The following ALDH9A1 variants were observed in gnomAD, a reference collection of about 807,000 sequenced individuals.
ALDH9A1 encodes the protein aldehyde dehydrogenase 9 family member A1.
Under a neutral mutation model 56.6 loss-of-function variants are expected in ALDH9A1, and 42 were observed. That is an observed-to-expected ratio of 0.74 (90% CI 0.58 to 0.96). The LOEUF (loss-of-function observed/expected upper bound fraction) is 0.96. Ranked by LOEUF, ALDH9A1 falls within the 40% of genes least tolerant of loss-of-function variation. The probability of loss-of-function intolerance (pLI) is 0.00; values close to 1 mark genes in which losing one functional copy is unlikely to be tolerated. For synonymous variants in ALDH9A1, 242 were observed against 236.0 expected (o/e 1.03, Z -0.23); for missense variants, 661 against 651.5 (o/e 1.01, Z -0.16).
At chr1:165,698,108 AC>A (rs1188113047) in intron 1 of ALDH9A1, 1 of 709,762 alleles carries the variant, frequency 1.4e-6, no homozygotes. Context: ...CCCCACCAGT[AC>A]TTTGCGAACT....
In ALDH9A1 at chr1:165,688,960, G is replaced by A. The variant is rs112806721; in HGVS notation, c.328-5850C>T. Among the ~76,000 whole-genome samples, 324 of 152,108 alleles carry A rather than the reference G, an allele frequency of 2.1e-3. 4 individuals are homozygous for A. Among genetic ancestry groups the A allele is most frequent in the African/African-American group, 7.2e-3 (301 of 41,526 alleles). On this transcript the variant is annotated intron_variant, in intron 2 of 10. Transcript: ENST00000354775. ...AAGGAAAAGTAAAGGGGAGGGTAAA[G>A]TAAAAAGAAATGAAATTTAGTATCA...
intron 3 of ALDH9A1, chr1:165,682,708 T>C: frequency 2.7e-6 from 1 of 374,544 alleles, no homozygotes. Flanking sequence ...TTATGAAAAC[T>C]GGTTTTTCAG....
chr1:165,671,254 T>C (rs1201378582), intron 6 of ALDH9A1: 1 of 222,398 alleles, frequency 4.5e-6, no homozygotes, highest in Non-Finnish European at 9.2e-6. Flanking sequence ...ACAGCTGCCA[T>C]CATGGGTCAC....
intron 9 of ALDH9A1, among the ~76,000 whole-genome samples, chr1:165,665,802 T>C (rs964379474): frequency 6.6e-6 from 1 of 152,160 alleles, no homozygotes; most frequent in African/African-American, 2.4e-5. Context: ...CTTCATACGT[T>C]GTTCGGAGGA....
In ALDH9A1 at chr1:165,674,106, C is replaced by T. The variant is rs531502914; in HGVS notation, c.931-4656G>A. ...TGCATCAACATGCTAAAAGACATACCCATCAGCACCATGACAGTTTACAAA... is the reference window on the plus strand; with the variant it reads ...TGCATCAACATGCTAAAAGACATACTCATCAGCACCATGACAGTTTACAAA... On this transcript the variant is annotated intron_variant, in intron 6 of 10. Coordinates refer to ENST00000354775, the MANE Select transcript of ALDH9A1 (RefSeq NM_000696.4). 7.2e-5 allele frequency among the ~76,000 whole-genome samples: 11 copies of T among 151,758 alleles called. No homozygotes were observed. In the South Asian group the frequency reaches 2.1e-3, roughly 29 times the overall value.
intron 8 of ALDH9A1, 101 bp from the exon 9 acceptor site, chr1:165,667,551 G>A (rs1649047310): frequency 5.2e-6 from 7 of 1,346,134 alleles, no homozygotes; most frequent in Non-Finnish European, 7.1e-6. Context: ...ATGTTGCCCA[G>A]TCTGGTCTCA....
At chr1:165,675,220 T>A (rs976180638) in intron 6 of ALDH9A1, among the ~76,000 whole-genome samples, 27 of 151,096 alleles carry the variant, frequency 1.8e-4, no homozygotes, top group African/African-American at 6.6e-4. Flanking sequence ...ATAAAATAAA[T>A]TCACATTACG....
rs73014543 is a variant in ALDH9A1 at position 165,684,490 on chromosome 1, C to T, written c.328-1380G>A. 5.2e-3 allele frequency among the ~76,000 whole-genome samples: 786 copies of T among 152,270 alleles called. 7 individuals carry two copies. Among genetic ancestry groups the T allele is most frequent in the African/African-American group, 0.018 (755 of 41,562 alleles). ...ATGCTGACCCTAGAAAGAGGGTACC[C>T]TAAGAGGAAAACATACATCAATTCT... On this transcript the variant is annotated intron_variant, in intron 2 of 10. Transcript: ENST00000354775.
At chr1:165,696,106 C>T (rs996485206) in intron 1 of ALDH9A1, among the ~76,000 whole-genome samples, 1 of 152,174 alleles carries the variant, frequency 6.6e-6, no homozygotes, top group Admixed American at 6.5e-5. Context: ...CCCACCTCTG[C>T]CTCCCCAAGT....
intron 9 of ALDH9A1, among the ~76,000 whole-genome samples, chr1:165,666,368 G>A (rs1373642199): frequency 6.6e-6 from 1 of 152,130 alleles, no homozygotes; most frequent in African/African-American, 2.4e-5. Flanking sequence ...TAAAACCACT[G>A]AATTGTACAC....
At chr1:165,672,252 GGTAT>G (rs781309586) in intron 6 of ALDH9A1, among the ~76,000 whole-genome samples, 16 of 152,226 alleles carry the variant, frequency 1.1e-4, no homozygotes, top group Admixed American at 5.2e-4. Flanking sequence ...AACAAAATGT[GGTAT>G]GTGTGTGCTG....
Position 165,695,283 on chromosome 1 carries a change from C to T in ALDH9A1, c.296G>A (p.Arg99Gln), listed in dbSNP as rs771178170. Residue 99 changes from arginine to glutamine, a missense_variant, in exon 2 of 11, where the codon CGA (arginine) becomes CAA (glutamine). Transcript: ENST00000354775. ...TATCCTGGCAGCCTCCAAAAGGATT[C>T]GGCAACGCTCCATGCCAGATTTTTG... ...WSQKSGMERC[R>Q]ILLEAARIIR... 14 of 1,611,194 alleles carry T rather than the reference C, an allele frequency of 8.7e-6. No homozygotes were observed. Among genetic ancestry groups the T allele is most frequent in the African/African-American group, 2.7e-5 (2 of 74,652 alleles).
chr1:165,679,437 C>T lies in ALDH9A1; in HGVS notation c.930+5G>A. On this transcript the variant is annotated splice_donor_5th_base_variant and intron_variant, in intron 6 of 10. Coordinates refer to ENST00000354775, the MANE Select transcript of ALDH9A1 (RefSeq NM_000696.4). ...TTTACACCTCTTCCAGGGACAGGTA[C>T]ATACCTGGCCTTGTGTGAGGAAGTT... is the stretch of plus-strand genomic sequence containing the variant. 1 of 1,614,082 alleles carries T rather than the reference C, an allele frequency of 6.2e-7. No individual in the cohort carries two copies. The highest frequency in any genetic ancestry group is 1.1e-5 in the South Asian group (1 of 91,082).
At chr1:165,675,452 A>ATACAAG (rs578179033) in intron 6 of ALDH9A1, among the ~76,000 whole-genome samples, 82 of 152,316 alleles carry the variant, frequency 5.4e-4, no homozygotes, top group African/African-American at 1.9e-3. Flanking sequence ...AATAAGAAAT[A>ATACAAG]TACAAGTACC....
intron 6 of ALDH9A1, among the ~76,000 whole-genome samples, chr1:165,669,929 G>GT (rs1558003159): frequency 6.6e-6 from 1 of 152,192 alleles, no homozygotes; most frequent in Admixed American, 6.5e-5. Context: ...TTCAAATGCT[G>GT]TAAGAACACA....
intron 10 of ALDH9A1, among the ~76,000 whole-genome samples, chr1:165,663,531 T>C (rs993868522): frequency 3.3e-5 from 5 of 152,230 alleles, no homozygotes; most frequent in Non-Finnish European, 7.3e-5. Flanking sequence ...ATAGGCTTAT[T>C]CACCATTTCT....
At chr1:165,685,303 A>C (rs72698075) in intron 2 of ALDH9A1, among the ~76,000 whole-genome samples, 4,950 of 152,292 alleles carry the variant, frequency 0.033, 119 homozygotes, top group South Asian at 0.073. Flanking sequence ...ACCCCTCAGC[A>C]GGGCTTAATG....
intron 3 of ALDH9A1, 125 bp downstream of exon 3, chr1:165,682,856 A>T: frequency 9.2e-7 from 1 of 1,082,828 alleles, no homozygotes; most frequent in Non-Finnish European, 1.3e-6. Context: ...CCACCCAGGT[A>T]GAAAGTGACA....
chr1:165,675,536 G>A (rs181918491), intron 6 of ALDH9A1, among the ~76,000 whole-genome samples: 22 of 152,294 alleles, frequency 1.4e-4, no homozygotes, highest in African/African-American at 4.8e-4. Context: ...ACAGGAGATG[G>A]ACAAAACTGG....
Sources: gnomAD v4.1 joint callset for allele counts (sites outside exome capture counted in the v4.1 genomes callset) on GRCh38, gnomAD v4.1.1 for gene constraint, MANE v1.5 for transcripts, NCBI Gene and HGNC (gene_info 2026-07-23, HGNC 2026-07-21) for gene names.